Variants in ADAMTS3 observed in about 807,000 individuals in gnomAD.
The protein encoded by ADAMTS3 is A disintegrin and metalloproteinase with thrombospondin motifs 3.
In ADAMTS3, 73 loss-of-function variants were observed where a neutral mutation model predicts 129.0. The ratio of observed to expected loss-of-function variants is 0.57; its 90% confidence interval spans 0.47 to 0.69. The LOEUF (loss-of-function observed/expected upper bound fraction) is 0.69. Among genes scored for constraint, ADAMTS3 ranks in the 30% least tolerant of loss-of-function variants. The pLI, the probability that ADAMTS3 is intolerant of heterozygous loss-of-function variation, is 0.00. For missense variants in ADAMTS3, 1,457 were observed against 1,514.5 expected (o/e 0.96, Z 0.63); for synonymous variants, 477 against 510.8 (o/e 0.93, Z 0.89).
chr4:72,413,471 A>C (rs1722229666), intron 4 of ADAMTS3, among the ~76,000 whole-genome samples: 1 of 152,060 alleles, frequency 6.6e-6, no homozygotes, highest in Non-Finnish European at 1.5e-5. Flanking sequence ...AGAATATGAA[A>C]ATTGAGTATT....
Position 72,568,824 on chromosome 4 carries a change from C to A in ADAMTS3, c.-62G>T. The A allele has an allele frequency of 3.3e-6, 4 of 1,209,374 alleles. No homozygotes were observed. Among genetic ancestry groups the A allele is most frequent in the Non-Finnish European group, 4.6e-6 (4 of 863,776 alleles). The allele number at this position is 1,209,374 out of a possible 1,614,324, so 74.9% of individuals were successfully genotyped here. A position where few individuals can be genotyped will look rare whatever the true frequency, so the allele number is the denominator to read the frequency against. On this transcript the variant is annotated 5_prime_UTR_variant, in exon 1 of 22. Transcript: ENST00000286657. ...CAAATGCCCAGAGCAAACCCACCCC[C>A]CCCGCCCAAAATAAGTTTCTTTAAG... is the stretch of plus-strand genomic sequence containing the variant.
intron 3 of ADAMTS3, among the ~76,000 whole-genome samples, chr4:72,474,749 G>C (rs780205898): frequency 9.2e-5 from 14 of 152,100 alleles, no homozygotes; most frequent in Non-Finnish European, 1.9e-4. Context: ...ATTCTAGGCC[G>C]GGCGCTGTGG....
chr4:72,338,171 C>A (rs1342226276), intron 5 of ADAMTS3, among the ~76,000 whole-genome samples: 2 of 151,936 alleles, frequency 1.3e-5, no homozygotes, highest in South Asian at 2.1e-4. Context: ...TCTCAATATG[C>A]CGATAAAGAG....
intron 2 of ADAMTS3, 91 bp downstream of exon 2, chr4:72,567,283 G>A (rs541128940): frequency 1.6e-5 from 20 of 1,286,014 alleles, no homozygotes; most frequent in Non-Finnish European, 2.1e-5. Context: ...ACCACCAGTG[G>A]GAAACATTTC....
At chr4:72,534,233 AG>A (rs1375721915) in intron 3 of ADAMTS3, among the ~76,000 whole-genome samples, 5 of 152,124 alleles carry the variant, frequency 3.3e-5, no homozygotes, top group Non-Finnish European at 7.4e-5. Flanking sequence ...AGGCTGAGGC[AG>A]GAGAATGGCG....
intron 2 of ADAMTS3, among the ~76,000 whole-genome samples, chr4:72,556,930 A>T (rs1721782215): frequency 6.6e-6 from 1 of 151,674 alleles, no homozygotes; most frequent in Admixed American, 6.6e-5. Flanking sequence ...AATCCCACCC[A>T]GCCTGATGTG....
intron 3 of ADAMTS3, among the ~76,000 whole-genome samples, chr4:72,529,004 G>T (rs573784524): frequency 1.3e-5 from 2 of 152,130 alleles, no homozygotes; most frequent in Non-Finnish European, 2.9e-5. Context: ...ATACGGTAGA[G>T]TAATCAGGGT....
chr4:72,503,619 T>C (rs1218019958), intron 3 of ADAMTS3, among the ~76,000 whole-genome samples: 1 of 152,176 alleles, frequency 6.6e-6, no homozygotes, highest in Non-Finnish European at 1.5e-5. Flanking sequence ...TCAGCTCCAA[T>C]TGGTCAAGTG....
intron 3 of ADAMTS3, among the ~76,000 whole-genome samples, chr4:72,539,821 G>A (rs934162631): frequency 6.6e-6 from 1 of 152,178 alleles, no homozygotes; most frequent in Non-Finnish European, 1.5e-5. Flanking sequence ...CACTTAAGAT[G>A]TGACTTGCTC....
intron 2 of ADAMTS3, among the ~76,000 whole-genome samples, chr4:72,551,799 A>C (rs1007335515): frequency 6.6e-6 from 1 of 152,170 alleles, no homozygotes; most frequent in Non-Finnish European, 1.5e-5. Flanking sequence ...GATCATTTTG[A>C]CTCTGAAGAC....
At chr4:72,524,538 A>ATTATTATTATTAATTATTATTAAG (rs1382466405) in intron 3 of ADAMTS3, among the ~76,000 whole-genome samples, 2 of 151,822 alleles carry the variant, frequency 1.3e-5, no homozygotes, top group East Asian at 3.9e-4. Context: ...ATCATGCTTT[A>ATTATTATTATTAATTATTATTAAG]TTATTATTAT....
chr4:72,478,174 C>G (rs1241346996), intron 3 of ADAMTS3, among the ~76,000 whole-genome samples: 1 of 152,146 alleles, frequency 6.6e-6, no homozygotes, highest in Non-Finnish European at 1.5e-5. Flanking sequence ...AAGAGGGAAT[C>G]TTCTCTAACT....
intron 3 of ADAMTS3, among the ~76,000 whole-genome samples, chr4:72,540,781 A>T (rs1240499946): frequency 6.6e-6 from 1 of 152,234 alleles, no homozygotes; most frequent in Non-Finnish European, 1.5e-5. Flanking sequence ...CTTGGTGTTG[A>T]GACTGCAGGT....
In ADAMTS3 at chr4:72,282,118, T is replaced by A. The variant is rs568980625; in HGVS notation, c.*1018A>T. On this transcript the variant is annotated 3_prime_UTR_variant, in exon 22 of 22. Transcript: ENST00000286657. ...ATGATATTTTTCTCAGCTACCAACA[T>A]ACAAATAAGTTATCCCAAAACTTTT... 2 of 152,284 alleles carry A rather than the reference T, an allele frequency of 1.3e-5. No individual in the cohort carries two copies. Among genetic ancestry groups the A allele is most frequent in the African/African-American group, 4.8e-5 (2 of 41,546 alleles). The allele number at this position is 152,284 out of a possible 1,614,324, so 9.4% of individuals were successfully genotyped here. A position where few individuals can be genotyped will look rare whatever the true frequency, so the allele number is the denominator to read the frequency against.
At chr4:72,425,865 G>A (rs1722560258) in intron 3 of ADAMTS3, among the ~76,000 whole-genome samples, 2 of 151,498 alleles carry the variant, frequency 1.3e-5, no homozygotes. Context: ...GGGATGGCTG[G>A]GTCAAATGGT....
intron 5 of ADAMTS3, among the ~76,000 whole-genome samples, chr4:72,328,318 G>A (rs1719749463): frequency 6.6e-6 from 1 of 152,206 alleles, no homozygotes; most frequent in Admixed American, 6.5e-5. Context: ...TCCTTGAAAT[G>A]AAAATTCCTT....
Position 72,465,786 on chromosome 4 carries a change from A to G in ADAMTS3, c.505-50815T>C, listed in dbSNP as rs140356698. Among the ~76,000 whole-genome samples, 277 of 152,108 alleles carry G rather than the reference A, an allele frequency of 1.8e-3. 1 individual carries two copies. The highest frequency in any genetic ancestry group is 6.2e-3 in the African/African-American group (258 of 41,538). On this transcript the variant is annotated intron_variant, in intron 3 of 21. Transcript: ENST00000286657. ...GTGTCAAGGGTGGGGCCATGTGGAG[A>G]TAACTGAATTATGGGGGCAGGTTTC...
chr4:72,392,236 C>G (rs912316476), intron 4 of ADAMTS3, among the ~76,000 whole-genome samples: 2 of 152,110 alleles, frequency 1.3e-5, no homozygotes, highest in African/African-American at 4.8e-5. Context: ...ATAGGCTTCA[C>G]CTGAGATAGG....
chr4:72,467,706 C>T (rs761681302), intron 3 of ADAMTS3, among the ~76,000 whole-genome samples: 1 of 152,076 alleles, frequency 6.6e-6, no homozygotes, highest in Non-Finnish European at 1.5e-5. Flanking sequence ...TCCCTGAATA[C>T]ATCACAGACT....
Sources: gnomAD v4.1 joint callset for allele counts (sites outside exome capture counted in the v4.1 genomes callset) on GRCh38, gnomAD v4.1.1 for gene constraint, MANE v1.5 for transcripts, NCBI Gene and HGNC (gene_info 2026-07-23, HGNC 2026-07-21) for gene names.